The following TLN1 variants were observed in gnomAD, a reference collection of about 807,000 sequenced individuals.
TLN1 encodes the protein talin-1.
A neutral mutation model predicts 292.3 loss-of-function variants in TLN1; 56 were observed. The ratio of observed to expected loss-of-function variants is 0.19; its 90% CI spans 0.15 to 0.24. The LOEUF (loss-of-function observed/expected upper bound fraction) is 0.24, where lower values mean the gene tolerates loss of function less well. TLN1 is among the 10% of genes least tolerant of loss of function. The pLI is 1.00. For synonymous variants in TLN1, 1,119 were observed against 1,253.7 expected, an observed-to-expected ratio of 0.89 and a Z score of 2.27; for missense variants, 2,433 against 3,248.2, an observed-to-expected ratio of 0.75 and a Z score of 6.10.
Position 35,712,866 on chromosome 9 carries a change from C to A in TLN1, c.3530G>T (p.Gly1177Val). 6.3e-7 allele frequency: 1 copy of A among 1,592,100 alleles called. No homozygotes were observed. Among genetic ancestry groups the A allele is most frequent in the Middle Eastern group, 1.7e-4 (1 of 6,006 alleles). ...AAGCCGCTGCTGGCTCTCAGGGTCC[C>A]CTGGATGGCCAGCTGCCTTTTTCGC... ...EEAKKAAGHP[G>V]DPESQQRLAQ... The change falls in exon 27 of 57, where the codon GGG becomes GTG. Residue 1177 changes from glycine (G) to valine (V), a missense_variant. Coordinates refer to ENST00000314888, the MANE Select transcript of TLN1 (RefSeq NM_006289.4).
rs778700343 is a variant in TLN1 at position 35,713,061 on chromosome 9, A to G, written c.3353-18T>C. On this transcript the variant is annotated intron_variant, in intron 26 of 56. Transcript: ENST00000314888. The stretch of plus-strand genomic sequence containing the variant: ...TGCAATACCTTGGGAGATGAGGAGA[A>G]AGAGGGAAGGGAAGGTGCTTTCATT... 4 of 1,589,960 alleles carry G rather than the reference A, an allele frequency of 2.5e-6. No homozygotes were observed. The highest frequency in any genetic ancestry group is 1.3e-5 in the African/African-American group (1 of 74,560).
chr9:35,723,036 A>C lies in TLN1; in HGVS notation c.783-115T>G, dbSNP rs532995701. ...ACCTAGGACAGTGTTATCTTTGGGG[A>C]GAAAAAAGACTCTGAGGGAATAGAG... is the stretch of plus-strand genomic sequence containing the variant. On this transcript the variant is annotated intron_variant, in intron 7 of 56. Transcript: ENST00000314888. The C allele has an allele frequency of 1.5e-5, 13 of 844,860 alleles. No homozygotes were observed. In the African/African-American group the frequency reaches 2.0e-4, roughly 13 times the overall value. The allele number at this position is 844,860 out of a possible 1,614,324, so 52.3% of individuals were successfully genotyped here. A position where few individuals can be genotyped will look rare whatever the true frequency, so the allele number is the denominator to read the frequency against.
At position 35,698,320 on chromosome 9, in the gene TLN1, C is replaced by T. The variant is rs1358353334; in HGVS notation, c.7371+3G>A. 5.0e-6 allele frequency: 8 copies of T among 1,613,988 alleles called. No homozygotes were observed. Among genetic ancestry groups the T allele is most frequent in the Non-Finnish European group, 5.1e-6 (6 of 1,179,914 alleles). On this transcript the variant is annotated splice_donor_region_variant and intron_variant, in intron 55 of 56. Coordinates refer to ENST00000314888, the MANE Select transcript of TLN1 (RefSeq NM_006289.4). This position sits in a 1 kb window ranked among gnomAD's most constrained non-coding sequence, Gnocchi z 5.3. ...GGACAATGGGATGGGTCAGGGTTCTCACCTGAAGTCGTTTCATTGCCTCCG... is the reference window on the plus strand; with the variant it reads ...GGACAATGGGATGGGTCAGGGTTCTTACCTGAAGTCGTTTCATTGCCTCCG...
intron 3 of TLN1, 118 bp downstream of exon 3, chr9:35,725,106 T>C (rs1282926172): frequency 2.0e-6 from 3 of 1,531,816 alleles, no homozygotes; most frequent in Non-Finnish European, 2.7e-6. Flanking sequence ...TGTCTGTTAA[T>C]AGGAAGAAAG....
At position 35,714,737 on chromosome 9, in the gene TLN1, C is replaced by T; in HGVS notation, c.2871+23G>A. 6.2e-7 allele frequency: 1 copy of T among 1,609,234 alleles called. No homozygotes were observed. On this transcript the variant is annotated intron_variant, in intron 22 of 56. Coordinates refer to ENST00000314888, the MANE Select transcript of TLN1 (RefSeq NM_006289.4). The surrounding 1 kb of genome is among the most constrained non-coding windows in gnomAD (Gnocchi z 4.6). ...ACCCACAAGTCTCCCTCTTCCACTCCCACATCCTTCCTAGAGTCTTACCTT... is the reference window on the plus strand; with the variant it reads ...ACCCACAAGTCTCCCTCTTCCACTCTCACATCCTTCCTAGAGTCTTACCTT...
At chr9:35,723,669 C>T (rs1401894280) in intron 7 of TLN1, 4 of 375,980 alleles carry the variant, frequency 1.1e-5, no homozygotes, top group Non-Finnish European at 1.9e-5. Flanking sequence ...ACCCGGTTTC[C>T]CTCTGGCTAC....
intron 9 of TLN1, 96 bp downstream of exon 9, chr9:35,722,023 G>A: frequency 8.0e-7 from 1 of 1,251,472 alleles, no homozygotes; most frequent in Non-Finnish European, 1.2e-6. Context: ...AGGGAATGGT[G>A]GGAGATGTGA....
Position 35,722,885 on chromosome 9 carries a change from C to A in TLN1, c.819G>T (p.Gln273His). 1 of 1,614,020 alleles carries A rather than the reference C, an allele frequency of 6.2e-7. No individual in the cohort carries two copies. The highest frequency in any genetic ancestry group is 8.5e-7 in the Non-Finnish European group (1 of 1,179,936). Residue 273 changes from glutamine to histidine, a missense_variant, in exon 8 of 57, where the codon CAG (glutamine) becomes CAT (histidine). Coordinates refer to ENST00000314888, the MANE Select transcript of TLN1 (RefSeq NM_006289.4). ...KDFLPKEYVKQKGERKIFQAH... is the reference protein window; with the variant it reads ...KDFLPKEYVKHKGERKIFQAH... ...CCTGGAAGATCTTACGCTCTCCCTT[C>A]TGCTTCACATACTCCTTGGGCAGGA...
Position 35,721,703 on chromosome 9 carries a change from T to A in TLN1, c.1049A>T (p.Glu350Val). The A allele has an allele frequency of 6.2e-7, 1 of 1,614,190 alleles. No individual in the cohort carries two copies. The highest frequency in any genetic ancestry group is 1.3e-5 in the African/African-American group (1 of 75,056). The change falls in exon 10 of 57, where the codon GAG becomes GTG. Residue 350 changes from glutamate (E) to valine (V), a missense_variant. Physicochemically the swap from Glu to Val is moderately radical, Grantham distance 121. Around this residue, in one of 7 missense-constraint regions of TLN1, gnomAD observed 57 missense variants for 136.5 expected, o/e 0.42. Coordinates refer to ENST00000314888, the MANE Select transcript of TLN1 (RefSeq NM_006289.4). ...GCGTTTGATGTTGGTGAGGTTCCACTCCTGGATCACTTCCTTGGTCTTCTC... is the reference window on the plus strand; with the variant it reads ...GCGTTTGATGTTGGTGAGGTTCCACACCTGGATCACTTCCTTGGTCTTCTC... Reference protein sequence around the residue: ...VDEKTKEVIQEWNLTNIKRWA... With the variant: ...VDEKTKEVIQVWNLTNIKRWA...
Position 35,706,739 on chromosome 9 carries a change from A to G in TLN1, c.5088+29T>C. 6.2e-7 allele frequency: 1 copy of G among 1,609,100 alleles called. No homozygotes were observed. The highest frequency in any genetic ancestry group is 8.5e-7 in the Non-Finnish European group (1 of 1,177,806). The stretch of plus-strand genomic sequence containing the variant: ...GTCTGATATTTCTCTTCCTAGACAC[A>G]TCTTTCCATATAACCCTCTCCCTCT... On this transcript the variant is annotated intron_variant, in intron 38 of 56. Transcript: ENST00000314888. The surrounding 1 kb of genome is among the most constrained non-coding windows in gnomAD (Gnocchi z 4.2).
Position 35,699,980 on chromosome 9 carries a change from T to A in TLN1, c.6762A>T (p.Val2254=). The A allele has an allele frequency of 6.2e-7, 1 of 1,611,610 alleles. No individual in the cohort carries two copies. The highest frequency in any genetic ancestry group is 8.5e-7 in the Non-Finnish European group (1 of 1,178,380). Residue 2254 remains valine (V), a synonymous_variant, in exon 50 of 57, where the codon GTA becomes GTT. Coordinates refer to ENST00000314888, the MANE Select transcript of TLN1 (RefSeq NM_006289.4). This position sits in a 1 kb window ranked among gnomAD's most constrained non-coding sequence, Gnocchi z 4.0. ...ANGYLELLDH[V]LLTLQKPSPE... ...AAGCAACGCCCTCCCTTACCAGCAG[T>A]ACATGGTCCAGCAGTTCCAGGTAGC...
At chr9:35,701,794 G>A (rs111712441) in intron 48 of TLN1, among the ~76,000 whole-genome samples, 236 of 152,272 alleles carry the variant, frequency 1.5e-3, no homozygotes, top group Non-Finnish European at 2.4e-3. Context: ...ATGAGAGAAA[G>A]AGAGAAGTCT....
chr9:35,710,897 G>C lies in TLN1; in HGVS notation c.4114-11C>G, dbSNP rs749056710. The C allele has an allele frequency of 6.2e-7, 1 of 1,614,090 alleles. No individual in the cohort carries two copies. Reference sequence around the variant, plus strand: ...GAGTTCCCGGACCGTCTGTGTAGGGGGAGGGCAAAGTGAGATCCAAGACAC... The same window carrying C: ...GAGTTCCCGGACCGTCTGTGTAGGGCGAGGGCAAAGTGAGATCCAAGACAC... On this transcript the variant is annotated splice_polypyrimidine_tract_variant and intron_variant, in intron 31 of 56. Coordinates refer to ENST00000314888, the MANE Select transcript of TLN1 (RefSeq NM_006289.4).
At chr9:35,725,462 G>A in intron 2 of TLN1, 103 bp downstream of exon 2, 3 of 1,546,434 alleles carry the variant, frequency 1.9e-6, no homozygotes, top group Middle Eastern at 1.9e-4. Context: ...CCTGAGGGGT[G>A]AGTAGTCTTA....
chr9:35,697,660 A>G lies in TLN1; in HGVS notation c.*131T>C. On this transcript the variant is annotated 3_prime_UTR_variant, in exon 57 of 57. Coordinates refer to ENST00000314888, the MANE Select transcript of TLN1 (RefSeq NM_006289.4). Reference sequence around the variant, plus strand: ...ATGTACTGCGGGACTGGGCGGGGCCAGGCCCTGGGGTTTGGCAGGCACTTT... The same window carrying G: ...ATGTACTGCGGGACTGGGCGGGGCCGGGCCCTGGGGTTTGGCAGGCACTTT... 1.4e-6 allele frequency: 2 copies of G among 1,380,526 alleles called. No individual in the cohort carries two copies. Among genetic ancestry groups the G allele is most frequent in the South Asian group, 1.4e-5 (1 of 73,280 alleles). The allele number at this position is 1,380,526 out of a possible 1,614,324, so 85.5% of individuals were successfully genotyped here.
chr9:35,702,861 G>A (rs560125256), intron 48 of TLN1, among the ~76,000 whole-genome samples: 6 of 152,304 alleles, frequency 3.9e-5, no homozygotes, highest in East Asian at 3.9e-4. Context: ...AGATGCTTTC[G>A]AAATATTCAA....
Position 35,711,792 on chromosome 9 carries a change from G to C in TLN1, c.3682C>G (p.Leu1228Val). ...TGAAATGTCCCAGTGCTAGGAGGAAGCTGCAAGGTGAGAGGGGAAGTCAGA... is the reference window on the plus strand; with the variant it reads ...TGAAATGTCCCAGTGCTAGGAGGAACCTGCAAGGTGAGAGGGGAAGTCAGA... Reference protein sequence around the residue: ...DASKRLLSDSLPPSTGTFQEA... With the variant: ...DASKRLLSDSVPPSTGTFQEA... Residue 1228 changes from leucine to valine, a missense_variant and splice_region_variant, in exon 29 of 57, where the codon CTT becomes GTT. Leu to Val is a conservative substitution (Grantham distance 32). Around this residue, in one of 7 missense-constraint regions of TLN1, gnomAD observed 1,384 missense variants for 1,699.6 expected, o/e 0.81. Transcript: ENST00000314888. 1 of 1,613,962 alleles carries C rather than the reference G, an allele frequency of 6.2e-7. No homozygotes were observed. The highest frequency in any genetic ancestry group is 8.5e-7 in the Non-Finnish European group (1 of 1,180,020).
chr9:35,703,609 C>T lies in TLN1; in HGVS notation c.6425G>A (p.Gly2142Asp). Residue 2142 changes from glycine to aspartate, a missense_variant, in exon 48 of 57, where the codon GGC (glycine) becomes GAC (aspartate). Around this residue, in one of 7 missense-constraint regions of TLN1, gnomAD observed 1,384 missense variants for 1,699.6 expected, o/e 0.81. Coordinates refer to ENST00000314888, the MANE Select transcript of TLN1 (RefSeq NM_006289.4). ...TGTGGTTGCCTCCAGGGCCCGAGTGCCTTTGGTGGCCTCATCTTCCACGGC... is the reference window on the plus strand; with the variant it reads ...TGTGGTTGCCTCCAGGGCCCGAGTGTCTTTGGTGGCCTCATCTTCCACGGC... ...VKAVEDEATK[G>D]TRALEATTEH... 6.2e-7 allele frequency: 1 copy of T among 1,614,162 alleles called. No homozygotes were observed. The highest frequency in any genetic ancestry group is 8.5e-7 in the Non-Finnish European group (1 of 1,180,032).
At position 35,717,937 on chromosome 9, in the gene TLN1, T is replaced by C; in HGVS notation, c.1996-151A>G. On this transcript the variant is annotated intron_variant, in intron 17 of 56. Coordinates refer to ENST00000314888, the MANE Select transcript of TLN1 (RefSeq NM_006289.4). The surrounding 1 kb of genome is among the most constrained non-coding windows in gnomAD (Gnocchi z 4.7). The stretch of plus-strand genomic sequence containing the variant: ...CAGAACCTACCCCGAGCTACTGCCC[T>C]GAGCACCCAGCAGGACAGAACCCCC... 2.3e-6 allele frequency: 2 copies of C among 882,728 alleles called. No individual in the cohort carries two copies. The highest frequency in any genetic ancestry group is 1.8e-5 in the South Asian group (1 of 56,482). The allele number at this position is 882,728 out of a possible 1,614,324, so 54.7% of individuals were successfully genotyped here. A position where few individuals can be genotyped will look rare whatever the true frequency, so the allele number is the denominator to read the frequency against.
Sources: allele counts gnomAD v4.1 joint callset (sites outside exome capture counted in the v4.1 genomes callset), GRCh38; gene constraint gnomAD v4.1.1; regional missense constraint gnomAD v4.1.1; non-coding constraint Gnocchi (gnomAD v3.1); transcripts MANE v1.5; gene names NCBI Gene and HGNC (gene_info 2026-07-23, HGNC 2026-07-21).